PSMA7: variants seen among roughly 807,000 people sequenced by gnomAD.
PSMA7 encodes the protein proteasome 20S subunit alpha 7, also known as proteasome subunit alpha type-7.
PSMA7 carries 5 observed loss-of-function variants against 31.3 expected under a neutral mutation model. The ratio of observed to expected loss-of-function variants is 0.16; its 90% CI spans 0.08 to 0.34. The LOEUF (loss-of-function observed/expected upper bound fraction) is 0.34. Ranked by LOEUF, PSMA7 falls within the 10% of genes least tolerant of loss-of-function variation. The pLI is 1.00. For missense variants in PSMA7, 217 were observed against 327.5 expected, an observed-to-expected ratio of 0.66 and a Z score of 2.60; for synonymous variants, 155 against 121.9, an observed-to-expected ratio of 1.27 and a Z score of -1.79.
At chr20:62,142,084 ACACACTGCCAGTGGCTC>A (rs941103781) in intron 1 of PSMA7, among the ~76,000 whole-genome samples, 5 of 152,198 alleles carry the variant, frequency 3.3e-5, no homozygotes, top group African/African-American at 1.2e-4. Flanking sequence ...AAAAGTCTCC[ACACACTGCCAGTGGCTC>A]CGTGTGGGCC....
intron 5 of PSMA7, 139 bp downstream of exon 5, chr20:62,138,030 CCA>C: frequency 8.7e-7 from 1 of 1,144,176 alleles, no homozygotes; most frequent in Non-Finnish European, 1.3e-6. Flanking sequence ...ACACCATAGA[CCA>C]GAGCAGTGCC....
At chr20:62,143,086 C>A (rs1427179346) in intron 1 of PSMA7, 122 bp downstream of exon 1, 4 of 437,410 alleles carry the variant, frequency 9.1e-6, no homozygotes, top group Non-Finnish European at 1.2e-5. Context: ...TGACCGCCCG[C>A]GCCGCTGCCC....
intron 1 of PSMA7, 120 bp from the exon 2 acceptor site, chr20:62,141,064 G>T: frequency 8.0e-7 from 1 of 1,255,522 alleles, no homozygotes; most frequent in Non-Finnish European, 1.1e-6. Flanking sequence ...AAATTCAAGA[G>T]TTCAAGACCA....
intron 2 of PSMA7, 152 bp from the exon 3 acceptor site, chr20:62,140,057 T>C (rs1471067117): frequency 2.7e-6 from 3 of 1,105,980 alleles, no homozygotes; most frequent in Non-Finnish European, 3.8e-6. Flanking sequence ...TATCAGCCCC[T>C]GGGAACTTCC....
At chr20:62,140,654 A>G (rs566352043) in intron 2 of PSMA7, among the ~76,000 whole-genome samples, 164 bp downstream of exon 2, 1 of 152,364 alleles carries the variant, frequency 6.6e-6, no homozygotes, top group East Asian at 1.9e-4. Flanking sequence ...AGAGGCCACC[A>G]AAGAAACTAG....
intron 1 of PSMA7, among the ~76,000 whole-genome samples, chr20:62,142,262 G>A (rs1033995929): frequency 1.3e-5 from 2 of 152,172 alleles, no homozygotes; most frequent in African/African-American, 2.4e-5. Context: ...GCTGGCGGGG[G>A]TGGCAGTATT....
intron 3 of PSMA7, 69 bp downstream of exon 3, chr20:62,139,712 G>A (rs1267308993): frequency 1.9e-6 from 3 of 1,611,934 alleles, no homozygotes; most frequent in Admixed American, 1.7e-5. Flanking sequence ...TGACATGGCA[G>A]GACCCTCCAT....
chr20:62,139,728 A>G, intron 3 of PSMA7, 53 bp downstream of exon 3: 2 of 1,613,530 alleles, frequency 1.2e-6, no homozygotes, highest in South Asian at 1.1e-5. Flanking sequence ...TCCATGGCGG[A>G]GCCGTGACTG....
chr20:62,137,505 A>T (rs745433044), intron 5 of PSMA7, 79 bp from the exon 6 acceptor site: 2 of 1,368,612 alleles, frequency 1.5e-6, no homozygotes, highest in South Asian at 2.3e-5. Context: ...TACCTTAAAT[A>T]GGTGTGTACC....
intron 2 of PSMA7, 49 bp from the exon 3 acceptor site, chr20:62,139,954 AG>A (rs2056917763): frequency 6.3e-7 from 1 of 1,598,114 alleles, no homozygotes; most frequent in African/African-American, 1.3e-5. Flanking sequence ...CACAAACTAC[AG>A]GGTGGGGACA....
chr20:62,142,445 G>A (rs906734641), intron 1 of PSMA7: 2 of 152,274 alleles, frequency 1.3e-5, no homozygotes, highest in Non-Finnish European at 2.9e-5. Flanking sequence ...AATACCAGAT[G>A]ATAAAAGAAT....
At chr20:62,140,498 C>A (rs529521094) in intron 2 of PSMA7, among the ~76,000 whole-genome samples, 4 of 152,310 alleles carry the variant, frequency 2.6e-5, no homozygotes, top group African/African-American at 9.6e-5. Context: ...CCTCTCCATG[C>A]CACAGATGCA....
intron 6 of PSMA7, 133 bp from the exon 7 acceptor site, chr20:62,137,082 CA>C: frequency 1.6e-6 from 2 of 1,271,232 alleles, no homozygotes; most frequent in Non-Finnish European, 2.2e-6. Flanking sequence ...TCAAGAAAAA[CA>C]AGAGGATGCT....
chr20:62,143,241 G>A lies in PSMA7; in HGVS notation c.63C>T (p.Tyr21=), dbSNP rs200184012. 8,109 of 1,469,638 alleles carry A rather than the reference G, an allele frequency of 5.5e-3. 232 individuals are homozygous for A. The highest frequency in any genetic ancestry group is 0.049 in the South Asian group (4,064 of 82,628). The allele number at this position is 1,469,638 out of a possible 1,614,324, so 91.0% of individuals were successfully genotyped here. A position where few individuals can be genotyped will look rare whatever the true frequency, so the allele number is the denominator to read the frequency against. ...SPDGHLFQVE[Y]AQEAVKKGST... ...AGCCCTTCTTGACGGCCTCCTGCGC[G>A]TACTCCACTTGGAAGAGGTGGCCGT... Residue 21 remains tyrosine (Y), a synonymous_variant, in exon 1 of 7, where the codon TAC becomes TAT. Coordinates refer to ENST00000370873, the MANE Select transcript of PSMA7 (RefSeq NM_002792.4).
chr20:62,140,796 A>G (rs1038117730), intron 2 of PSMA7, 22 bp downstream of exon 2: 8 of 1,613,438 alleles, frequency 5.0e-6, no homozygotes, highest in African/African-American at 1.3e-5. Context: ...AGAGTAAGAC[A>G]GCGCTCCCCA....
intron 3 of PSMA7, 162 bp downstream of exon 3, chr20:62,139,619 G>A (rs1600967458): frequency 1.8e-6 from 2 of 1,121,744 alleles, no homozygotes; most frequent in East Asian, 5.0e-5. Context: ...TACTGAAATT[G>A]GTGAGCTAGG....
chr20:62,140,204 G>C (rs568638931), intron 2 of PSMA7, among the ~76,000 whole-genome samples: 4 of 152,330 alleles, frequency 2.6e-5, no homozygotes, highest in Admixed American at 2.6e-4. Flanking sequence ...GTAGGCTGCC[G>C]TGCAGAATCT....
chr20:62,138,342 C>G (rs765523771), intron 4 of PSMA7, 52 bp from the exon 5 acceptor site: 7 of 1,543,952 alleles, frequency 4.5e-6, no homozygotes, highest in Non-Finnish European at 6.1e-6. Context: ...CAACCCAGGG[C>G]CAGCCCTGGA....
In PSMA7 at chr20:62,136,743, G is replaced by T; in HGVS notation, c.*114C>A. 7.2e-7 allele frequency: 1 copy of T among 1,397,414 alleles called. No individual in the cohort carries two copies. Among genetic ancestry groups the T allele is most frequent in the Non-Finnish European group, 9.5e-7 (1 of 1,054,358 alleles). 86.6% of individuals were successfully genotyped at this position (1,397,414 alleles called of 1,614,324 possible). On this transcript the variant is annotated 3_prime_UTR_variant, in exon 7 of 7. Coordinates refer to ENST00000370873, the MANE Select transcript of PSMA7 (RefSeq NM_002792.4). ...AAAAAAAAAAACAGGTTAAAAATAC[G>T]GAAGTTTATTGTAGGACACTCAGTG...
Sources: allele counts gnomAD v4.1 joint callset (sites outside exome capture counted in the v4.1 genomes callset), GRCh38; gene constraint gnomAD v4.1.1; transcripts MANE v1.5; gene names NCBI Gene and HGNC (gene_info 2026-07-23, HGNC 2026-07-21).